PITPNM2: variants seen among roughly 807,000 people sequenced by gnomAD.
PITPNM2 encodes the protein phosphatidylinositol transfer protein membrane associated 2, also known as membrane-associated phosphatidylinositol transfer protein 2.
PITPNM2 carries 35 observed loss-of-function variants against 132.2 expected under a neutral mutation model. The observed-to-expected ratio is 0.26, with a 90% CI of 0.20 to 0.35. The LOEUF is 0.35. Among genes scored for constraint, PITPNM2 ranks in the 10% least tolerant of loss-of-function variants. The pLI, the probability that PITPNM2 is intolerant of heterozygous loss-of-function variation, is 1.00. For synonymous variants in PITPNM2, 738 were observed against 799.2 expected, an observed-to-expected ratio of 0.92 and a Z score of 1.29; for missense variants, 1,332 against 1,912.0, an observed-to-expected ratio of 0.70 and a Z score of 5.66.
At chr12:123,013,712 T>C (rs2136262078) in intron 4 of PITPNM2, 116 bp downstream of exon 4, 6 of 1,188,162 alleles carry the variant, frequency 5.0e-6, no homozygotes, top group Middle Eastern at 5.5e-4. Flanking sequence ...CCTGGGGTTA[T>C]GGGTTGTTGA....
At chr12:123,085,230 C>T (rs2042079438) in intron 2 of PITPNM2, among the ~76,000 whole-genome samples, 1 of 152,180 alleles carries the variant, frequency 6.6e-6, no homozygotes, top group Non-Finnish European at 1.5e-5. Flanking sequence ...TGAGCTAGCG[C>T]CATCTGCGTG....
chr12:123,056,372 G>A (rs1019500055), intron 2 of PITPNM2, among the ~76,000 whole-genome samples: 7 of 152,216 alleles, frequency 4.6e-5, no homozygotes, highest in South Asian at 2.1e-4. Flanking sequence ...TCATGTCCAC[G>A]TTGCCCGGGA....
At position 123,097,105 on chromosome 12, in the gene PITPNM2, C is replaced by A. The variant is rs184909833; in HGVS notation, c.-96+13280G>T. Among the ~76,000 whole-genome samples the A allele has an allele frequency of 4.6e-5, 7 of 152,094 alleles. No homozygotes were observed. Among genetic ancestry groups the A allele is most frequent in the Admixed American group, 6.5e-5 (1 of 15,270 alleles). Reference sequence around the variant, plus strand: ...TCGCCCAGGTTTGAGTGCAGTGGCACGATCTTGGCTTGCTGCAACCTCTTC... The same window carrying A: ...TCGCCCAGGTTTGAGTGCAGTGGCAAGATCTTGGCTTGCTGCAACCTCTTC... On this transcript the variant is annotated intron_variant, in intron 2 of 25. Coordinates refer to ENST00000320201, the MANE Select transcript of PITPNM2 (RefSeq NM_020845.3). The surrounding 1 kb of genome is among the most constrained non-coding windows in gnomAD (Gnocchi z 4.7).
chr12:123,118,729 C>T (rs989435904), intron 1 of PITPNM2, among the ~76,000 whole-genome samples: 9 of 152,332 alleles, frequency 5.9e-5, no homozygotes, highest in Admixed American at 3.9e-4. Flanking sequence ...TTTGCAGCCC[C>T]GCCTGCGGCC....
At chr12:123,034,169 G>C (rs2040192606) in intron 3 of PITPNM2, 1 of 236,082 alleles carries the variant, frequency 4.2e-6, no homozygotes, top group African/African-American at 2.2e-5. Context: ...CCCCCAGTTT[G>C]TGGTATTTAC....
At chr12:123,092,185 C>G (rs1461588644) in intron 2 of PITPNM2, 1 of 152,154 alleles carries the variant, frequency 6.6e-6, no homozygotes, top group South Asian at 2.1e-4. Flanking sequence ...CAGCCTTGGG[C>G]CCAAGAACCA....
At chr12:123,139,211 C>T (rs182632082) in intron 1 of PITPNM2, among the ~76,000 whole-genome samples, 354 of 150,988 alleles carry the variant, frequency 2.3e-3, no homozygotes, top group African/African-American at 7.9e-3. Context: ...TAAAAACAGA[C>T]AATCGTTGGC....
At chr12:123,103,894 T>C (rs780290415) in intron 2 of PITPNM2, among the ~76,000 whole-genome samples, 2 of 145,708 alleles carry the variant, frequency 1.4e-5, no homozygotes, top group African/African-American at 2.8e-5. Flanking sequence ...TTTATTTTGT[T>C]ATTTTATTTA....
In PITPNM2 at chr12:123,064,372, C is replaced by CT. The variant is rs2041347424; in HGVS notation, c.-95-29688dup. On this transcript the variant is annotated intron_variant, in intron 2 of 25. Coordinates refer to ENST00000320201, the MANE Select transcript of PITPNM2 (RefSeq NM_020845.3). The surrounding 1 kb of genome is among the most constrained non-coding windows in gnomAD (Gnocchi z 4.0). ...CCGATCCCAACCAGCACCCCAAGGC[C>CT]TGCAGCCCACAGGAGGCTCTCAGCC... 6.6e-6 allele frequency among the ~76,000 whole-genome samples: 1 copy of CT among 152,226 alleles called. No homozygotes were observed. The highest frequency in any genetic ancestry group is 6.5e-5 in the Admixed American group (1 of 15,286).
In PITPNM2 at chr12:123,004,653, G is replaced by C. The variant is rs2038846472; in HGVS notation, c.953-164C>G. On this transcript the variant is annotated intron_variant, in intron 7 of 25. Coordinates refer to ENST00000320201, the MANE Select transcript of PITPNM2 (RefSeq NM_020845.3). This position sits in a 1 kb window ranked among gnomAD's most constrained non-coding sequence, Gnocchi z 4.9. ...CGAAGAGAATGAAGTGTGTAAATGA[G>C]TGGGGAGCGGCCTAGGCTCATCTCC... 3 of 664,828 alleles carry C rather than the reference G, an allele frequency of 4.5e-6. No individual in the cohort carries two copies. In the Admixed American group the frequency reaches 6.6e-5, roughly 15 times the overall value. The allele number at this position is 664,828 out of a possible 1,614,324, so 41.2% of individuals were successfully genotyped here. A position where few individuals can be genotyped will look rare whatever the true frequency, so the allele number is the denominator to read the frequency against.
intron 6 of PITPNM2, chr12:123,007,299 T>C: frequency 2.2e-6 from 1 of 455,792 alleles, no homozygotes; most frequent in South Asian, 1.6e-5. Flanking sequence ...AAATGCCACA[T>C]TTCATTGATT....
At chr12:123,044,919 C>G (rs1457899124) in intron 2 of PITPNM2, among the ~76,000 whole-genome samples, 1 of 152,166 alleles carries the variant, frequency 6.6e-6, no homozygotes, top group African/African-American at 2.4e-5. Context: ...CCTTAAGTAG[C>G]TGGGACCACA....
chr12:123,017,199 C>T (rs2039461616), intron 3 of PITPNM2, among the ~76,000 whole-genome samples: 1 of 151,552 alleles, frequency 6.6e-6, no homozygotes, highest in Non-Finnish European at 1.5e-5. Flanking sequence ...GGTGAAACAC[C>T]GTCTCTACTA....
At chr12:123,074,005 T>C (rs1344341182) in intron 2 of PITPNM2, among the ~76,000 whole-genome samples, 1 of 152,158 alleles carries the variant, frequency 6.6e-6, no homozygotes, top group Admixed American at 6.5e-5. Flanking sequence ...CTGAATATAG[T>C]CTTCAGGCCA....
chr12:122,989,663 C>T, intron 18 of PITPNM2, 124 bp downstream of exon 18: 1 of 989,070 alleles, frequency 1.0e-6, no homozygotes, highest in Non-Finnish European at 1.3e-6. Flanking sequence ...TGGCCAAGTC[C>T]TCCCAGCCCA....
rs972287339 is a variant in PITPNM2, at chr12:123,022,412, C to T, written c.79-8370G>A. On this transcript the variant is annotated intron_variant, in intron 3 of 25. Transcript: ENST00000320201. This position sits in a 1 kb window ranked among gnomAD's most constrained non-coding sequence, Gnocchi z 4.9. ...CACACTAGGGCTGAGACTCAGATAG[C>T]GGCCACAACTGCTCAACTGTCATTA... is the stretch of plus-strand genomic sequence containing the variant. Among the ~76,000 whole-genome samples the T allele has an allele frequency of 3.9e-5, 6 of 152,116 alleles. No individual in the cohort carries two copies. Among genetic ancestry groups the T allele is most frequent in the African/African-American group, 9.7e-5 (4 of 41,402 alleles).
intron 2 of PITPNM2, among the ~76,000 whole-genome samples, chr12:123,043,998 T>TA (rs2040574253): frequency 2.0e-5 from 3 of 152,352 alleles, no homozygotes. Context: ...CTAGGGACCC[T>TA]GCTGGTCACA....
At position 123,009,285 on chromosome 12, in the gene PITPNM2, T is replaced by C. The variant is rs576528612; in HGVS notation, c.643+565A>G. Among the ~76,000 whole-genome samples, 2 of 152,306 alleles carry C rather than the reference T, an allele frequency of 1.3e-5. No individual in the cohort carries two copies. Among genetic ancestry groups the C allele is most frequent in the Admixed American group, 1.3e-4 (2 of 15,302 alleles). ...CTCTAGGTGAGGAAATGGCACTCAC[T>C]GCACCAGGACCCCCAGGCCATCTGC... On this transcript the variant is annotated intron_variant, in intron 6 of 25. Transcript: ENST00000320201. This position sits in a 1 kb window ranked among gnomAD's most constrained non-coding sequence, Gnocchi z 4.8.
Position 122,984,605 on chromosome 12 carries a change from C to T in PITPNM2, c.*1422G>A, listed in dbSNP as rs1027697443. The T allele has an allele frequency of 6.6e-6, 1 of 152,270 alleles. No individual in the cohort carries two copies. The highest frequency in any genetic ancestry group is 2.4e-5 in the African/African-American group (1 of 41,458). 9.4% of individuals were successfully genotyped at this position (152,270 alleles called of 1,614,324 possible). On this transcript the variant is annotated 3_prime_UTR_variant, in exon 26 of 26. Coordinates refer to ENST00000320201, the MANE Select transcript of PITPNM2 (RefSeq NM_020845.3). ...GCAGAACATTTACACGACCCTTTGG[C>T]TGTACATATCTACACACGGGAAAAA...
Sources: gnomAD v4.1 joint callset for allele counts (sites outside exome capture counted in the v4.1 genomes callset) on GRCh38, gnomAD v4.1.1 for gene constraint, Gnocchi (gnomAD v3.1) non-coding constraint, MANE v1.5 for transcripts, NCBI Gene and HGNC (gene_info 2026-07-23, HGNC 2026-07-21) for gene names.